The following CACNA1B variants were observed in gnomAD, a reference collection of about 807,000 sequenced individuals.
CACNA1B encodes the protein voltage-dependent N-type calcium channel subunit alpha-1B.
In CACNA1B, 70 loss-of-function variants were observed where a neutral mutation model predicts 247.2. The ratio of observed to expected loss-of-function variants is 0.28; its 90% confidence interval spans 0.23 to 0.35. The LOEUF (loss-of-function observed/expected upper bound fraction) is 0.35, where lower values mean the gene tolerates loss of function less well. Among genes scored for constraint, CACNA1B ranks in the 10% least tolerant of loss-of-function variants. The probability of loss-of-function intolerance (pLI) is 1.00; values close to 1 mark genes in which losing one functional copy is unlikely to be tolerated. For missense variants in CACNA1B, 2,367 were observed against 3,197.4 expected (o/e 0.74, Z 6.26); for synonymous variants, 1,231 against 1,294.4 (o/e 0.95, Z 1.05).
chr9:138,008,080 T>C (rs556506359), intron 16 of CACNA1B, among the ~76,000 whole-genome samples: 1 of 151,948 alleles, frequency 6.6e-6, no homozygotes, highest in African/African-American at 2.4e-5. Flanking sequence ...TCCTGGGAAG[T>C]TGAGTGTGTG....
chr9:138,105,627 C>T, intron 38 of CACNA1B, 72 bp from the exon 39 acceptor site: 1 of 807,680 alleles, frequency 1.2e-6, no homozygotes, highest in South Asian at 1.5e-5. Context: ...CCAGGGACCC[C>T]ATCATTGCGT....
At chr9:138,069,824 C>G in intron 32 of CACNA1B, 61 bp downstream of exon 32, 1 of 1,518,344 alleles carries the variant, frequency 6.6e-7, no homozygotes, top group Non-Finnish European at 9.1e-7. Context: ...CTGCTCCTCT[C>G]CTGCTCTCTG....
intron 46 of CACNA1B, 66 bp downstream of exon 46, chr9:138,120,947 C>A (rs368752506): frequency 1.3e-6 from 2 of 1,494,496 alleles, no homozygotes; most frequent in Non-Finnish European, 1.8e-6. Context: ...CCCTGTCCCA[C>A]AGGCTCCTGC....
In CACNA1B at chr9:137,952,238, C is replaced by T. The variant is rs199828231; in HGVS notation, c.967-36C>T. 3.5e-4 allele frequency: 547 copies of T among 1,558,680 alleles called. No homozygotes were observed. The highest frequency in any genetic ancestry group is 5.7e-4 in the Admixed American group (34 of 59,876). On this transcript the variant is annotated intron_variant, in intron 6 of 46. Coordinates refer to ENST00000371372, the MANE Select transcript of CACNA1B (RefSeq NM_000718.4). The surrounding 1 kb of genome is among the most constrained non-coding windows in gnomAD (Gnocchi z 4.8). ...TCCTGTGGCCGGGACTGTGTTTTGTCCCTGTCCTTCCTCATCTCCCTCTCC... is the reference window on the plus strand; with the variant it reads ...TCCTGTGGCCGGGACTGTGTTTTGTTCCTGTCCTTCCTCATCTCCCTCTCC...
intron 12 of CACNA1B, among the ~76,000 whole-genome samples, chr9:137,978,114 A>G (rs1337957985): frequency 4.2e-5 from 5 of 119,928 alleles, no homozygotes; most frequent in Non-Finnish European, 8.5e-5. Flanking sequence ...TGATGGGAGC[A>G]CTGCCCCCTC....
At chr9:138,112,640 TC>T in intron 40 of CACNA1B, 135 bp downstream of exon 40, 1 of 649,712 alleles carries the variant, frequency 1.5e-6, no homozygotes, top group Non-Finnish European at 2.8e-6. Context: ...TCCTCATGAA[TC>T]TGCCCTCAGC....
At position 138,088,773 on chromosome 9, in the gene CACNA1B, T is replaced by C. The variant is rs1482159690; in HGVS notation, c.5095-7711T>C. Among the ~76,000 whole-genome samples the C allele has an allele frequency of 1.3e-4, 20 of 150,914 alleles. No homozygotes were observed. In the East Asian group the frequency reaches 3.7e-3, roughly 28 times the overall value. ...ATCGAGACCATCCTGGCCAACATAG[T>C]GAAACCCCGTCTCTACTAAAATACA... is the stretch of plus-strand genomic sequence containing the variant. On this transcript the variant is annotated intron_variant, in intron 36 of 46. Transcript: ENST00000371372.
chr9:138,085,083 G>A (rs1404523674), intron 36 of CACNA1B, among the ~76,000 whole-genome samples: 1 of 150,660 alleles, frequency 6.6e-6, no homozygotes, highest in Middle Eastern at 3.4e-3. Flanking sequence ...TTAAAGAAGT[G>A]CAACAAGATA....
intron 46 of CACNA1B, 90 bp downstream of exon 46, chr9:138,120,971 C>T: frequency 7.1e-7 from 1 of 1,408,416 alleles, no homozygotes; most frequent in South Asian, 1.3e-5. Flanking sequence ...TCCCCAGGGC[C>T]TCGCTGCTGC....
In CACNA1B at chr9:138,102,874, C is replaced by A; in HGVS notation, c.5319+67C>A. ...GTGCTTGCTGAGGGGTGCTTGCTGG[C>A]TCTCCCAGCTCCTCTCCCTTTCAGG... is the stretch of plus-strand genomic sequence containing the variant. On this transcript the variant is annotated intron_variant, in intron 38 of 46. Coordinates refer to ENST00000371372, the MANE Select transcript of CACNA1B (RefSeq NM_000718.4). The surrounding 1 kb of genome is among the most constrained non-coding windows in gnomAD (Gnocchi z 5.4). 1.1e-6 allele frequency: 1 copy of A among 941,754 alleles called. No homozygotes were observed. The highest frequency in any genetic ancestry group is 1.7e-6 in the Non-Finnish European group (1 of 605,790). 58.3% of individuals were successfully genotyped at this position (941,754 alleles called of 1,614,324 possible). A position where few individuals can be genotyped will look rare whatever the true frequency, so the allele number is the denominator to read the frequency against.
At chr9:138,077,286 C>T (rs569991331) in intron 35 of CACNA1B, among the ~76,000 whole-genome samples, 108 of 152,292 alleles carry the variant, frequency 7.1e-4, no homozygotes, top group African/African-American at 2.5e-3. Flanking sequence ...TGCAAGCCCC[C>T]GGTGCTGGCT....
At chr9:138,068,502 T>C in intron 31 of CACNA1B, 1 of 470,398 alleles carries the variant, frequency 2.1e-6, no homozygotes, top group Admixed American at 2.2e-5. Context: ...TGTTTCCCAG[T>C]GGCTGCCTCC....
chr9:138,034,686 TTG>T (rs1323993502), intron 20 of CACNA1B, among the ~76,000 whole-genome samples: 2 of 152,086 alleles, frequency 1.3e-5, no homozygotes, highest in African/African-American at 4.8e-5. Flanking sequence ...AAACTTATTG[TTG>T]TGTCATTCCT....
At position 138,002,672 on chromosome 9, in the gene CACNA1B, G is replaced by A. The variant is rs77247457; in HGVS notation, c.1975-4095G>A. ...TAATGAGCTAGGATCGTGCCACTGCGGCCTGGGCAACAGAGCAAGACCCAG... is the reference window on the plus strand; with the variant it reads ...TAATGAGCTAGGATCGTGCCACTGCAGCCTGGGCAACAGAGCAAGACCCAG... On this transcript the variant is annotated intron_variant, in intron 15 of 46. Transcript: ENST00000371372. 5.0e-3 allele frequency among the ~76,000 whole-genome samples: 752 copies of A among 151,724 alleles called. 6 individuals carry two copies. Among genetic ancestry groups the A allele is most frequent in the African/African-American group, 0.017 (690 of 41,358 alleles).
At position 137,954,856 on chromosome 9, in the gene CACNA1B, T is replaced by TGTGTGTGTGTGTGTGTGTG. The variant is rs1554737971; in HGVS notation, c.1071-842_1071-841insGTGTGTGTGTGTGTGTGTG. On this transcript the variant is annotated intron_variant, in intron 7 of 46. Transcript: ENST00000371372. This position sits in a 1 kb window ranked among gnomAD's most constrained non-coding sequence, Gnocchi z 4.1. Reference sequence around the variant, plus strand: ...ACACCCACTCCACCAACTCAGAAGCTTGTGTGTGTGTGTGTGTGTGTGTGA... The same window carrying TGTGTGTGTGTGTGTGTGTG: ...ACACCCACTCCACCAACTCAGAAGCTGTGTGTGTGTGTGTGTGTGTGTGTGTGTGTGTGTGTGTGTGTGA... Among the ~76,000 whole-genome samples the TGTGTGTGTGTGTGTGTGTG allele has an allele frequency of 1.3e-4, 16 of 120,938 alleles. No individual in the cohort carries two copies. Among genetic ancestry groups the TGTGTGTGTGTGTGTGTGTG allele is most frequent in the African/African-American group, 1.2e-4 (3 of 25,258 alleles). 79.3% of individuals were successfully genotyped at this position (120,938 alleles called of 152,430 possible).
At chr9:137,972,959 G>C (rs1020302843) in intron 11 of CACNA1B, among the ~76,000 whole-genome samples, 2 of 152,218 alleles carry the variant, frequency 1.3e-5, no homozygotes, top group African/African-American at 4.8e-5. Context: ...CCTGAGTTCA[G>C]TGTCTCTCTT....
intron 18 of CACNA1B, among the ~76,000 whole-genome samples, chr9:138,015,479 C>T (rs1253269831): frequency 2.7e-5 from 4 of 149,772 alleles, no homozygotes; most frequent in South Asian, 2.1e-4. Flanking sequence ...CCTGGTGGGA[C>T]GAGCAGCGCT....
intron 10 of CACNA1B, among the ~76,000 whole-genome samples, chr9:137,969,461 G>C (rs1958119580): frequency 6.6e-6 from 1 of 152,214 alleles, no homozygotes; most frequent in African/African-American, 2.4e-5. Flanking sequence ...ATTTCTATGA[G>C]GCCTTTCTCA....
At chr9:137,896,496 T>C (rs1957175079) in intron 3 of CACNA1B, among the ~76,000 whole-genome samples, 2 of 152,258 alleles carry the variant, frequency 1.3e-5, no homozygotes, top group African/African-American at 2.4e-5. Flanking sequence ...TTGTGGTATA[T>C]AATTCTTTTG....
Sources: allele counts gnomAD v4.1 joint callset (sites outside exome capture counted in the v4.1 genomes callset), GRCh38; gene constraint gnomAD v4.1.1; non-coding constraint Gnocchi (gnomAD v3.1); transcripts MANE v1.5; gene names NCBI Gene and HGNC (gene_info 2026-07-23, HGNC 2026-07-21).